The following TYRO3 variants were observed in gnomAD, a reference collection of about 807,000 sequenced individuals.
The protein encoded by TYRO3 is tyrosine-protein kinase receptor TYRO3.
TYRO3 carries 38 observed loss-of-function variants against 95.2 expected under a neutral mutation model. The ratio of observed to expected loss-of-function variants is 0.40; its 90% CI spans 0.31 to 0.52. The LOEUF is 0.52. Ranked by LOEUF, TYRO3 falls within the 20% of genes least tolerant of loss-of-function variation. TYRO3 has a pLI of 0.56. For synonymous variants in TYRO3, 367 were observed against 432.9 expected (o/e 0.85, Z 1.89); for missense variants, 812 against 1,116.4 (o/e 0.73, Z 3.89).
chr15:41,573,873 T>C (rs1356358908), intron 18 of TYRO3, 58 bp downstream of exon 18: 1 of 1,591,866 alleles, frequency 6.3e-7, no homozygotes, highest in East Asian at 2.2e-5. Context: ...TTTTGGCTGA[T>C]GGCTGCCACC....
chr15:41,575,004 C>T (rs1346454083), intron 18 of TYRO3, among the ~76,000 whole-genome samples: 1 of 152,258 alleles, frequency 6.6e-6, no homozygotes, highest in African/African-American at 2.4e-5. Context: ...CAGGTGTGAG[C>T]CACCACGCCC....
intron 4 of TYRO3, 128 bp downstream of exon 4, chr15:41,562,846 G>A (rs1023262553): frequency 3.5e-5 from 33 of 944,372 alleles, no homozygotes; most frequent in Middle Eastern, 3.3e-4. Flanking sequence ...GTCTGGGGAC[G>A]TGAGCTGCAC....
Position 41,568,374 on chromosome 15 carries a change from C to A in TYRO3, c.1107+12C>A, listed in dbSNP as rs1205139886. ...ACAATGGAACCCAGGTAAGACAGAA[C>A]CCTCCCCTCTCTCCACTCTCCTGGA... On this transcript the variant is annotated intron_variant, in intron 8 of 18. Transcript: ENST00000263798. 1.2e-5 allele frequency: 18 copies of A among 1,497,930 alleles called. No individual in the cohort carries two copies. Among genetic ancestry groups the A allele is most frequent in the Non-Finnish European group, 1.6e-5 (18 of 1,091,126 alleles). The allele number at this position is 1,497,930 out of a possible 1,614,324, so 92.8% of individuals were successfully genotyped here.
chr15:41,583,014 A>ATTTTTTTTTTTTT lies in TYRO3; in HGVS notation c.*4739_*4740insTTTTTTTTTTTTT, dbSNP rs2055938578. The ATTTTTTTTTTTTT allele has an allele frequency of 5.5e-4, 1 of 1,822 alleles. No individual in the cohort carries two copies. Among genetic ancestry groups the ATTTTTTTTTTTTT allele is most frequent in the Non-Finnish European group, 6.5e-3 (1 of 154 alleles). 0.1% of individuals were successfully genotyped at this position (1,822 alleles called of 1,614,324 possible). Reference sequence around the variant, plus strand: ...TTTTAAGTGTTTTTTTTTTTTTTTAATACAGAGCCTTGCTCTGTCGCCCAG... The same window carrying ATTTTTTTTTTTTT: ...TTTTAAGTGTTTTTTTTTTTTTTTAATTTTTTTTTTTTTTACAGAGCCTTGCTCTGTCGCCCAG... On this transcript the variant is annotated 3_prime_UTR_variant, in exon 19 of 19. Coordinates refer to ENST00000263798, the MANE Select transcript of TYRO3 (RefSeq NM_006293.4).
At position 41,573,009 on chromosome 15, in the gene TYRO3, C is replaced by T. The variant is rs779138128; in HGVS notation, c.1883C>T (p.Pro628Leu). 3.1e-6 allele frequency: 5 copies of T among 1,613,810 alleles called. No homozygotes were observed. In the African/African-American group the frequency reaches 5.3e-5, roughly 17 times the overall value. Residue 628 changes from proline (P) to leucine (L), a missense_variant, in exon 16 of 19, where the codon CCC (proline) becomes CTC (leucine). Coordinates refer to ENST00000263798, the MANE Select transcript of TYRO3 (RefSeq NM_006293.4). ...SRIGENPFNL[P>L]LQTLIRFMVD... ...GGCCTGTCTGTCCACTAGAACCTAC[C>T]CCTCCAGACCCTGATCCGGTTCATG...
chr15:41,569,154 C>T (rs930423598), intron 9 of TYRO3, 132 bp downstream of exon 9: 2 of 1,118,350 alleles, frequency 1.8e-6, no homozygotes, highest in Admixed American at 5.1e-5. Flanking sequence ...GAAGTTGAGG[C>T]CAGGGCTGTT....
chr15:41,564,244 C>G lies in TYRO3; in HGVS notation c.641C>G (p.Ser214Cys). 2 of 1,614,136 alleles carry G rather than the reference C, an allele frequency of 1.2e-6. No homozygotes were observed. Among genetic ancestry groups the G allele is most frequent in the Non-Finnish European group, 1.7e-6 (2 of 1,180,004 alleles). ...EAHNLKGLAS[S>C]RTATVHLQAL... ...CACAACCTAAAAGGCCTGGCCTCTT[C>G]TCGCACAGCCACTGTTCACCTTCAA... Residue 214 changes from serine to cysteine, a missense_variant, in exon 5 of 19, where the codon TCT becomes TGT. Transcript: ENST00000263798.
In TYRO3 at chr15:41,570,679, TG is replaced by T. The variant is rs2055783912; in HGVS notation, c.1562del (p.Gly521AlafsTer17). 1 of 1,614,098 alleles carries T rather than the reference TG, an allele frequency of 6.2e-7. No individual in the cohort carries two copies. Among genetic ancestry groups the T allele is most frequent in the Non-Finnish European group, 8.5e-7 (1 of 1,180,054 alleles). On this transcript the variant is annotated frameshift_variant, in exon 12 of 19. Transcript: ENST00000263798. LOFTEE classifies it high-confidence loss of function. ...CTCATCCCAGAGCAGCAGTTCACCC[TG>T]GGCCGGATGTTGGGCAAAGGTATGT... ...DVLIPEQQFT[L>X]GRMLGKGEFG...
chr15:41,573,860 G>C (rs2055831942), intron 18 of TYRO3, 45 bp downstream of exon 18: 1 of 1,601,244 alleles, frequency 6.2e-7, no homozygotes, highest in African/African-American at 1.3e-5. Context: ...GGGGAATCTG[G>C]AGTTTTGGCT....
chr15:41,560,435 G>A (rs927944231), intron 1 of TYRO3, among the ~76,000 whole-genome samples: 7 of 148,750 alleles, frequency 4.7e-5, no homozygotes, highest in Non-Finnish European at 8.9e-5. Flanking sequence ...GTGTGCGCGC[G>A]CGCGCGCGCG....
intron 1 of TYRO3, among the ~76,000 whole-genome samples, chr15:41,560,572 A>T (rs1008018966): frequency 1.3e-5 from 2 of 152,042 alleles, no homozygotes; most frequent in Non-Finnish European, 2.9e-5. Flanking sequence ...CCCTGCCCAC[A>T]TTCAGGTATT....
Position 41,570,285 on chromosome 15 carries a change from C to A in TYRO3, c.1428C>A (p.His476Gln). The change falls in exon 11 of 19, where the codon CAC (histidine) becomes CAA (glutamine). Residue 476 changes from histidine to glutamine, a missense_variant. By Grantham distance (24) the His-to-Gln change is conservative (BLOSUM62 0). Transcript: ENST00000263798. ...TGGCCCGGGGAGAGCCAGCCGTTCACTTCCGGGCAGCCCGGTCCTTCAATC... is the reference window on the plus strand; with the variant it reads ...TGGCCCGGGGAGAGCCAGCCGTTCAATTCCGGGCAGCCCGGTCCTTCAATC... ...SVMARGEPAV[H>Q]FRAARSFNRE... 1.9e-6 allele frequency: 3 copies of A among 1,614,220 alleles called. No homozygotes were observed. Among genetic ancestry groups the A allele is most frequent in the Non-Finnish European group, 2.5e-6 (3 of 1,180,052 alleles).
Position 41,567,529 on chromosome 15 carries a change from A to T in TYRO3, c.953A>T (p.Lys318Met), listed in dbSNP as rs1343409274. The T allele has an allele frequency of 2.0e-5, 31 of 1,565,392 alleles. No individual in the cohort carries two copies. Among genetic ancestry groups the T allele is most frequent in the Non-Finnish European group, 2.5e-5 (29 of 1,159,282 alleles). The change falls in exon 7 of 19, where the codon AAG (lysine) becomes ATG (methionine). Residue 318 changes from lysine (K) to methionine (M), a missense_variant. Coordinates refer to ENST00000263798, the MANE Select transcript of TYRO3 (RefSeq NM_006293.4). ...GCTGACTGGGTGCCCTTTCAGACCA[A>T]GGGTCTAGGTAAGGGATGCATAGAG... ...PYADWVPFQT[K>M]GLAPASAPQN... is the part of the protein sequence containing the mutation.
At chr15:41,576,525 C>T (rs1353582509) in intron 18 of TYRO3, among the ~76,000 whole-genome samples, 5 of 151,620 alleles carry the variant, frequency 3.3e-5, no homozygotes, top group Non-Finnish European at 7.4e-5. Flanking sequence ...CACGGGGTTT[C>T]ATCATGTTGG....
intron 1 of TYRO3, 143 bp from the exon 2 acceptor site, chr15:41,560,983 CA>C: frequency 1.0e-6 from 1 of 1,001,630 alleles, no homozygotes; most frequent in Non-Finnish European, 1.5e-6. Flanking sequence ...TTCCCTTCCA[CA>C]CTGTCCTACC....
Position 41,573,031 on chromosome 15 carries a change from C to A in TYRO3, c.1905C>A (p.Phe635Leu). The stretch of plus-strand genomic sequence containing the variant: ...TACCCCTCCAGACCCTGATCCGGTT[C>A]ATGGTGGACATTGCCTGCGGCATGG... ...FNLPLQTLIR[F>L]MVDIACGMEY... Residue 635 changes from phenylalanine (F) to leucine (L), a missense_variant, in exon 16 of 19, where the codon TTC becomes TTA. Coordinates refer to ENST00000263798, the MANE Select transcript of TYRO3 (RefSeq NM_006293.4). 2 of 1,614,174 alleles carry A rather than the reference C, an allele frequency of 1.2e-6. No individual in the cohort carries two copies. Among genetic ancestry groups the A allele is most frequent in the South Asian group, 2.2e-5 (2 of 91,068 alleles).
In TYRO3 at chr15:41,578,143, G is replaced by A. The variant is rs779193232; in HGVS notation, c.2540G>A (p.Cys847Tyr). Residue 847 changes from cysteine (C) to tyrosine (Y), a missense_variant, in exon 19 of 19, where the codon TGT becomes TAT. Cys to Tyr is a radical substitution (Grantham distance 194). Coordinates refer to ENST00000263798, the MANE Select transcript of TYRO3 (RefSeq NM_006293.4). ...GCAGTGGGTGGCACTCCCAGTGACT[G>A]TCGGTACATACTCACCCCCGGAGGG... ...MGAVGGTPSD[C>Y]RYILTPGGLA... The A allele has an allele frequency of 6.2e-7, 1 of 1,613,834 alleles. No homozygotes were observed. Among genetic ancestry groups the A allele is most frequent in the Non-Finnish European group, 8.5e-7 (1 of 1,180,044 alleles).
chr15:41,570,600 A>G lies in TYRO3; in HGVS notation c.1484-4A>G, dbSNP rs2055782920. On this transcript the variant is annotated splice_region_variant and splice_polypyrimidine_tract_variant and intron_variant, in intron 11 of 18. Coordinates refer to ENST00000263798, the MANE Select transcript of TYRO3 (RefSeq NM_006293.4). Reference sequence around the variant, plus strand: ...CCTCTTTCCCACAAACCCTTTCCCCACAGTGGACAGCTTGGGCATCAGCGA... The same window carrying G: ...CCTCTTTCCCACAAACCCTTTCCCCGCAGTGGACAGCTTGGGCATCAGCGA... The G allele has an allele frequency of 1.2e-6, 2 of 1,613,888 alleles. No homozygotes were observed. Among genetic ancestry groups the G allele is most frequent in the Admixed American group, 1.7e-5 (1 of 60,000 alleles).
In TYRO3 at chr15:41,573,470, G is replaced by A. The variant is rs202087157; in HGVS notation, c.2145+3G>A. 1 of 1,614,168 alleles carries A rather than the reference G, an allele frequency of 6.2e-7. No homozygotes were observed. The highest frequency in any genetic ancestry group is 2.2e-5 in the East Asian group (1 of 44,886). On this transcript the variant is annotated splice_donor_region_variant and intron_variant, in intron 17 of 18. Coordinates refer to ENST00000263798, the MANE Select transcript of TYRO3 (RefSeq NM_006293.4). ...TGTATACTGTGCAGAGTGACGTGGT[G>A]AGCAGGGTGGCCCGTGAAGCTTGGT...
Sources: gnomAD v4.1 joint callset for allele counts (sites outside exome capture counted in the v4.1 genomes callset) on GRCh38, gnomAD v4.1.1 for gene constraint, MANE v1.5 for transcripts, NCBI Gene and HGNC (gene_info 2026-07-23, HGNC 2026-07-21) for gene names.